The following PAPPA2 variants were observed in gnomAD, a reference collection of about 807,000 sequenced individuals.
The protein encoded by PAPPA2 is pappalysin 2.
A neutral mutation model predicts 176.4 loss-of-function variants in PAPPA2; 86 were observed. The observed-to-expected ratio is 0.49, with a 90% confidence interval of 0.41 to 0.58. PAPPA2 has a LOEUF of 0.58. PAPPA2 is among the 20% of genes least tolerant of loss of function. The probability of loss-of-function intolerance (pLI) is 0.00; values close to 1 mark genes in which losing one functional copy is unlikely to be tolerated. For synonymous variants in PAPPA2, 809 were observed against 852.2 expected (o/e 0.95, Z 0.88); for missense variants, 2,073 against 2,256.9 (o/e 0.92, Z 1.65).
intron 1 of PAPPA2, among the ~76,000 whole-genome samples, chr1:176,498,741 C>T (rs959053438): frequency 7.8e-6 from 1 of 128,626 alleles, no homozygotes; most frequent in African/African-American, 3.1e-5. Context: ...CAGAGCGAGA[C>T]TCTTACCTCC....
intron 12 of PAPPA2, among the ~76,000 whole-genome samples, chr1:176,719,897 G>A (rs1661545413): frequency 6.6e-6 from 1 of 152,152 alleles, no homozygotes; most frequent in South Asian, 2.1e-4. Context: ...GTTTCTGTGT[G>A]AATGAAATAA....
At position 176,595,019 on chromosome 1, in the gene PAPPA2, A is replaced by C; in HGVS notation, c.1415A>C (p.Asp472Ala). Residue 472 changes from aspartate (D) to alanine (A), a missense_variant, in exon 3 of 23, where the codon GAT (aspartate) becomes GCT (alanine). Coordinates refer to ENST00000367662, the MANE Select transcript of PAPPA2 (RefSeq NM_020318.3). ...AACACAGAGTGGGTTCCCTTTAGAG[A>C]TGAGAAGTACCCACGACTTGAGGTT... ...PVNTEWVPFR[D>A]EKYPRLEVLQ... 3.1e-6 allele frequency: 5 copies of C among 1,614,094 alleles called. No individual in the cohort carries two copies. Among genetic ancestry groups the C allele is most frequent in the Non-Finnish European group, 4.2e-6 (5 of 1,180,000 alleles).
In PAPPA2 at chr1:176,740,876, A is replaced by G. The variant is rs369209832; in HGVS notation, c.4151+680A>G. Among the ~76,000 whole-genome samples the G allele has an allele frequency of 1.2e-4, 18 of 152,268 alleles. No individual in the cohort carries two copies. In the East Asian group the frequency reaches 2.1e-3, roughly 18 times the overall value. ...ATGGTCTAATCAATTGAGTGGGACT[A>G]CAGGTGACAGGGTTCATTCCTCAGC... On this transcript the variant is annotated intron_variant, in intron 14 of 22. Coordinates refer to ENST00000367662, the MANE Select transcript of PAPPA2 (RefSeq NM_020318.3).
At chr1:176,799,685 C>T (rs1006544273) in intron 20 of PAPPA2, among the ~76,000 whole-genome samples, 1 of 152,188 alleles carries the variant, frequency 6.6e-6, no homozygotes, top group African/African-American at 2.4e-5. Flanking sequence ...CTTACAATTT[C>T]TTGTAACATT....
At chr1:176,725,507 A>G (rs529473710) in intron 12 of PAPPA2, among the ~76,000 whole-genome samples, 1 of 152,326 alleles carries the variant, frequency 6.6e-6, no homozygotes, top group South Asian at 2.1e-4. Context: ...AGGTACATAC[A>G]TAGCAGTGGG....
Position 176,711,874 on chromosome 1 carries a change from C to G in PAPPA2, c.3691C>G (p.Pro1231Ala). The change falls in exon 12 of 23, where the codon CCC becomes GCC. Residue 1231 changes from proline to alanine, a missense_variant. Around this residue, in one of 4 missense-constraint regions of PAPPA2, gnomAD observed 846 missense variants for 857.9 expected, o/e 0.99. Coordinates refer to ENST00000367662, the MANE Select transcript of PAPPA2 (RefSeq NM_020318.3). Reference sequence around the variant, plus strand: ...CCATCCAGATTTACCCAACCACCGTCCCCTAACTGGCTGGTTTCCCTGTGT... The same window carrying G: ...CCATCCAGATTTACCCAACCACCGTGCCCTAACTGGCTGGTTTCCCTGTGT... ...SYHPDLPNHR[P>A]LTGWFPCVAS... 1 of 1,612,818 alleles carries G rather than the reference C, an allele frequency of 6.2e-7. No individual in the cohort carries two copies. The highest frequency in any genetic ancestry group is 8.5e-7 in the Non-Finnish European group (1 of 1,178,908).
At chr1:176,794,163 A>G (rs1406881215) in intron 20 of PAPPA2, among the ~76,000 whole-genome samples, 1 of 152,216 alleles carries the variant, frequency 6.6e-6, no homozygotes, top group East Asian at 1.9e-4. Flanking sequence ...ATACATTTTT[A>G]TTAAAGGAAG....
intron 3 of PAPPA2, among the ~76,000 whole-genome samples, chr1:176,653,384 T>C (rs767071214): frequency 6.6e-6 from 1 of 151,722 alleles, no homozygotes; most frequent in Non-Finnish European, 1.5e-5. Context: ...TCCCCCTTTA[T>C]TGCATTAGCG....
At chr1:176,688,710 G>A (rs1417587560) in intron 4 of PAPPA2, among the ~76,000 whole-genome samples, 1 of 152,118 alleles carries the variant, frequency 6.6e-6, no homozygotes, top group East Asian at 1.9e-4. Context: ...CAGTATGTTC[G>A]AGTAAACTGG....
At chr1:176,579,257 C>T (rs1652824621) in intron 2 of PAPPA2, among the ~76,000 whole-genome samples, 1 of 152,088 alleles carries the variant, frequency 6.6e-6, no homozygotes, top group African/African-American at 2.4e-5. Context: ...GTGCCAGGTA[C>T]ATACCAAATG....
chr1:176,536,078 C>G (rs1238434695), intron 1 of PAPPA2, among the ~76,000 whole-genome samples: 1 of 152,160 alleles, frequency 6.6e-6, no homozygotes, highest in Admixed American at 6.5e-5. Flanking sequence ...TCATAACAGC[C>G]TGTGAGGTTC....
chr1:176,691,046 A>T, intron 5 of PAPPA2: 1 of 985,446 alleles, frequency 1.0e-6, no homozygotes, highest in African/African-American at 1.7e-5. Flanking sequence ...TGGCCCTCGG[A>T]AAAACTTGTC....
intron 2 of PAPPA2, among the ~76,000 whole-genome samples, chr1:176,581,746 C>CT (rs1652973554): frequency 6.6e-6 from 1 of 151,578 alleles, no homozygotes; most frequent in Non-Finnish European, 1.5e-5. Context: ...TTCTTGATTT[C>CT]TTTTTTAGAT....
At chr1:176,804,561 T>G (rs1665814682) in intron 21 of PAPPA2, among the ~76,000 whole-genome samples, 1 of 152,004 alleles carries the variant, frequency 6.6e-6, no homozygotes, top group African/African-American at 2.4e-5. Context: ...CTACTTGGAG[T>G]ATTTAATGAC....
chr1:176,799,270 A>C (rs1665568420), intron 20 of PAPPA2, among the ~76,000 whole-genome samples: 2 of 152,250 alleles, frequency 1.3e-5, no homozygotes, highest in Admixed American at 6.5e-5. Flanking sequence ...AACTATAAAA[A>C]GAAAAAGAAA....
chr1:176,536,141 A>G (rs922464256), intron 1 of PAPPA2, among the ~76,000 whole-genome samples: 2 of 152,138 alleles, frequency 1.3e-5, no homozygotes, highest in African/African-American at 4.8e-5. Flanking sequence ...ATTAGCAACA[A>G]CCTGTCAGGA....
chr1:176,765,712 C>T lies in PAPPA2; in HGVS notation c.4198C>T (p.Leu1400=). The change falls in exon 15 of 23, where the codon CTG becomes TTG. Residue 1400 remains leucine, a synonymous_variant. Coordinates refer to ENST00000367662, the MANE Select transcript of PAPPA2 (RefSeq NM_020318.3). ...CGKQDSCPSL[L]LDHADVVNCT... is the part of the protein sequence containing the mutation. ...GAAGCAGGACAGCTGTCCGTCATTGCTGCTTGATCATGCTGATGTGGTGAA... is the reference window on the plus strand; with the variant it reads ...GAAGCAGGACAGCTGTCCGTCATTGTTGCTTGATCATGCTGATGTGGTGAA... 6.2e-7 allele frequency: 1 copy of T among 1,614,094 alleles called. No individual in the cohort carries two copies. The highest frequency in any genetic ancestry group is 8.5e-7 in the Non-Finnish European group (1 of 1,180,020).
intron 17 of PAPPA2, among the ~76,000 whole-genome samples, chr1:176,777,994 G>C (rs995511755): frequency 2.0e-5 from 3 of 150,972 alleles, no homozygotes; most frequent in Non-Finnish European, 4.4e-5. Context: ...ACTGGCCACT[G>C]TCTCCCATCT....
intron 21 of PAPPA2, among the ~76,000 whole-genome samples, chr1:176,814,010 A>G: frequency 6.6e-6 from 1 of 152,188 alleles, no homozygotes; most frequent in East Asian, 1.9e-4. Flanking sequence ...ATGGCTACCC[A>G]GTTCTCCCAG....
Sources: allele counts gnomAD v4.1 joint callset (sites outside exome capture counted in the v4.1 genomes callset), GRCh38; gene constraint gnomAD v4.1.1; regional missense constraint gnomAD v4.1.1; transcripts MANE v1.5; gene names NCBI Gene and HGNC (gene_info 2026-07-23, HGNC 2026-07-21).